The following SYNPR variants were observed in gnomAD, a reference collection of about 807,000 sequenced individuals.
SYNPR encodes synaptoporin.
In SYNPR, 23 loss-of-function variants were observed where a neutral mutation model predicts 32.9. The ratio of observed to expected loss-of-function variants is 0.70; its 90% confidence interval spans 0.50 to 0.99. The LOEUF (loss-of-function observed/expected upper bound fraction) is 0.99. Among genes scored for constraint, SYNPR ranks in the 50% least tolerant of loss-of-function variants. The pLI is 0.00. For missense variants in SYNPR, 318 were observed against 349.3 expected, an observed-to-expected ratio of 0.91 and a Z score of 0.71; for synonymous variants, 146 against 135.9, an observed-to-expected ratio of 1.07 and a Z score of -0.52.
intron 2 of SYNPR, among the ~76,000 whole-genome samples, chr3:63,468,954 C>T (rs1234982138): frequency 6.6e-6 from 1 of 151,916 alleles, no homozygotes; most frequent in African/African-American, 2.4e-5. Context: ...CTCTTATTGT[C>T]TAGTGAAAAG....
intron 3 of SYNPR, among the ~76,000 whole-genome samples, chr3:63,534,659 T>C (rs1400435120): frequency 2.0e-5 from 3 of 152,140 alleles, no homozygotes; most frequent in African/African-American, 7.2e-5. Flanking sequence ...TGGCTTACAG[T>C]TCTAGTGGCT....
chr3:63,561,125 T>A (rs1481572377), intron 4 of SYNPR, among the ~76,000 whole-genome samples: 2 of 152,230 alleles, frequency 1.3e-5, no homozygotes, highest in Non-Finnish European at 2.9e-5. Context: ...TCCAAGGTAG[T>A]TCACATCCAA....
chr3:63,390,682 G>C (rs1021239562), intron 2 of SYNPR, among the ~76,000 whole-genome samples: 1 of 152,138 alleles, frequency 6.6e-6, no homozygotes, highest in South Asian at 2.1e-4. Context: ...TAATGCTCTG[G>C]CTCCAGGCTA....
At chr3:63,259,692 C>T (rs879857439) in intron 2 of SYNPR, among the ~76,000 whole-genome samples, 2 of 152,206 alleles carry the variant, frequency 1.3e-5, no homozygotes, top group East Asian at 1.9e-4. Context: ...CTCACCACTC[C>T]TATTCAACAT....
chr3:63,419,927 T>G (rs932415409), intron 2 of SYNPR, among the ~76,000 whole-genome samples: 1 of 152,224 alleles, frequency 6.6e-6, no homozygotes, highest in Non-Finnish European at 1.5e-5. Flanking sequence ...TCCAGTTTTT[T>G]CACATTATAA....
At chr3:63,571,024 T>G (rs1400783504) in intron 4 of SYNPR, among the ~76,000 whole-genome samples, 3 of 152,200 alleles carry the variant, frequency 2.0e-5, no homozygotes, top group Non-Finnish European at 4.4e-5. Context: ...TCTATAATAT[T>G]GGAGGTACCC....
chr3:63,315,789 G>A (rs1014070580), intron 2 of SYNPR, among the ~76,000 whole-genome samples: 7 of 152,014 alleles, frequency 4.6e-5, no homozygotes, highest in African/African-American at 1.7e-4. Flanking sequence ...AAGAGGAGTG[G>A]TGAGAGTGGG....
At position 63,414,662 on chromosome 3, in the gene SYNPR, C is replaced by G. The variant is rs147695491; in HGVS notation, c.85-66170C>G. ...CAGTCAAGATCAAATCTACCTGCTA[C>G]TGACTATTTTTCTTAAAGCTAAAAG... On this transcript the variant is annotated intron_variant, in intron 2 of 5. Transcript: ENST00000478300. Among the ~76,000 whole-genome samples the G allele has an allele frequency of 8.8e-3, 1,343 of 152,310 alleles. 7 individuals carry two copies. The highest frequency in any genetic ancestry group is 0.014 in the Middle Eastern group (4 of 294).
intron 2 of SYNPR, among the ~76,000 whole-genome samples, chr3:63,432,647 A>G (rs1700013476): frequency 6.6e-6 from 1 of 152,206 alleles, no homozygotes; most frequent in Non-Finnish European, 1.5e-5. Flanking sequence ...TGAAAGAGGC[A>G]GACCCAGATA....
chr3:63,225,727 A>G (rs551725624), upstream of SYNPR, among the ~76,000 whole-genome samples: 1 of 152,208 alleles, frequency 6.6e-6, no homozygotes, highest in African/African-American at 2.4e-5. Flanking sequence ...AACAATTCCT[A>G]TTGGACATTG....
chr3:63,295,287 A>G (rs1464610777), intron 2 of SYNPR, among the ~76,000 whole-genome samples: 1 of 152,192 alleles, frequency 6.6e-6, no homozygotes, highest in Non-Finnish European at 1.5e-5. Flanking sequence ...ATGTTATGCC[A>G]TTTAGTTCTA....
intron 4 of SYNPR, among the ~76,000 whole-genome samples, chr3:63,576,492 A>G (rs1317008627): frequency 6.6e-6 from 1 of 152,050 alleles, no homozygotes; most frequent in Non-Finnish European, 1.5e-5. Context: ...TTCCATGCAT[A>G]GAAAACACGT....
intron 2 of SYNPR, among the ~76,000 whole-genome samples, chr3:63,258,975 G>T (rs1466428965): frequency 6.6e-6 from 1 of 152,160 alleles, no homozygotes; most frequent in Non-Finnish European, 1.5e-5. Flanking sequence ...AAATCTAGAA[G>T]AAATGGATAA....
intron 2 of SYNPR, among the ~76,000 whole-genome samples, chr3:63,412,684 C>G (rs2088482873): frequency 6.6e-6 from 1 of 152,012 alleles, no homozygotes; most frequent in African/African-American, 2.4e-5. Flanking sequence ...AGGCACTGTT[C>G]TTGAGGAATC....
chr3:63,397,474 T>C (rs537175946), intron 2 of SYNPR, among the ~76,000 whole-genome samples: 16 of 152,160 alleles, frequency 1.1e-4, no homozygotes, highest in Non-Finnish European at 1.9e-4. Context: ...CTTCTTTTTT[T>C]CTCCCTAATT....
At chr3:63,506,070 A>G (rs1463283087) in intron 3 of SYNPR, among the ~76,000 whole-genome samples, 1 of 140,422 alleles carries the variant, frequency 7.1e-6, no homozygotes, top group Non-Finnish European at 1.5e-5. Flanking sequence ...ACTCAAACTT[A>G]GATGCTCCTC....
chr3:63,498,925 G>A (rs1267781683), intron 3 of SYNPR, among the ~76,000 whole-genome samples: 1 of 147,578 alleles, frequency 6.8e-6, no homozygotes, highest in Non-Finnish European at 1.5e-5. Flanking sequence ...ACCAGCCCGG[G>A]CAACATAGTG....
At chr3:63,523,907 A>G (rs1701956475) in intron 3 of SYNPR, among the ~76,000 whole-genome samples, 1 of 152,044 alleles carries the variant, frequency 6.6e-6, no homozygotes, top group Non-Finnish European at 1.5e-5. Flanking sequence ...TCTGCCCTCC[A>G]CTCACTGAGG....
chr3:63,520,057 G>A (rs1701876435), intron 3 of SYNPR, among the ~76,000 whole-genome samples: 2 of 152,012 alleles, frequency 1.3e-5, no homozygotes, highest in East Asian at 1.9e-4. Flanking sequence ...ATTTTAACCT[G>A]CTTTTTTCAC....
Sources: gnomAD v4.1 joint callset for allele counts (sites outside exome capture counted in the v4.1 genomes callset) on GRCh38, gnomAD v4.1.1 for gene constraint, MANE v1.5 for transcripts, NCBI Gene and HGNC (gene_info 2026-07-23, HGNC 2026-07-21) for gene names.